PRRG4: variants seen among roughly 807,000 people sequenced by gnomAD.
PRRG4 encodes the protein transmembrane gamma-carboxyglutamic acid protein 4.
Under a neutral mutation model 20.0 loss-of-function variants are expected in PRRG4, and 12 were observed. The observed-to-expected ratio is 0.60, with a 90% CI of 0.38 to 0.97. The LOEUF (loss-of-function observed/expected upper bound fraction) is 0.97, where lower values mean the gene tolerates loss of function less well. PRRG4 is among the 50% of genes least tolerant of loss of function. The pLI is 0.00. For synonymous variants in PRRG4, 94 were observed against 96.4 expected, an observed-to-expected ratio of 0.98 and a Z score of 0.15; for missense variants, 199 against 265.1, an observed-to-expected ratio of 0.75 and a Z score of 1.73.
chr11:32,850,524 TC>T (rs1851173165), intron 5 of PRRG4, among the ~76,000 whole-genome samples: 1 of 152,202 alleles, frequency 6.6e-6, no homozygotes, highest in Non-Finnish European at 1.5e-5. Flanking sequence ...CTCACTTTGT[TC>T]CCCTCAGCAA....
chr11:32,831,723 G>GT (rs1850973086), intron 2 of PRRG4, among the ~76,000 whole-genome samples: 1 of 152,060 alleles, frequency 6.6e-6, no homozygotes, highest in Admixed American at 6.5e-5. Flanking sequence ...ACATGACACG[G>GT]GTATAAGAGA....
At chr11:32,832,072 A>G (rs1193950646) in intron 2 of PRRG4, among the ~76,000 whole-genome samples, 1 of 152,214 alleles carries the variant, frequency 6.6e-6, no homozygotes, top group Non-Finnish European at 1.5e-5. Context: ...AGGAATTTAG[A>G]GATCATACTT....
intron 5 of PRRG4, among the ~76,000 whole-genome samples, chr11:32,851,264 A>G (rs962233804): frequency 1.3e-5 from 2 of 151,934 alleles, no homozygotes; most frequent in African/African-American, 2.4e-5. Context: ...TTAATGACTG[A>G]TGTAATTATT....
At chr11:32,839,214 A>G (rs1394522509) in intron 4 of PRRG4, among the ~76,000 whole-genome samples, 1 of 152,192 alleles carries the variant, frequency 6.6e-6, no homozygotes, top group Non-Finnish European at 1.5e-5. Flanking sequence ...ATAAAAGCAG[A>G]TTCTATTCAT....
At chr11:32,842,134 CTTCA>C (rs1427152763) in intron 5 of PRRG4, among the ~76,000 whole-genome samples, 1 of 152,084 alleles carries the variant, frequency 6.6e-6, no homozygotes, top group African/African-American at 2.4e-5. Flanking sequence ...TAAAGTTTTT[CTTCA>C]TTGTTTCATA....
At position 32,830,453 on chromosome 11, in the gene PRRG4, C is replaced by CAA. The variant is rs1050027730; in HGVS notation, c.-22-53_-22-52dup. On this transcript the variant is annotated intron_variant, in intron 1 of 5. Coordinates refer to ENST00000257836, the MANE Select transcript of PRRG4 (RefSeq NM_024081.6). ...TTGGTGATTCAGTTCGACAGAAACTCAAAGTGCTGAGCTAGGGGCCTTTTT... is the reference window on the plus strand; with the variant it reads ...TTGGTGATTCAGTTCGACAGAAACTCAAAAAGTGCTGAGCTAGGGGCCTTTTT... 6.3e-6 allele frequency: 8 copies of CAA among 1,269,010 alleles called. No homozygotes were observed. The African/African-American group carries it at 7.8e-5, about 12-fold the overall frequency. 78.6% of individuals were successfully genotyped at this position (1,269,010 alleles called of 1,614,324 possible).
At chr11:32,853,045 C>T (rs1226612720) in intron 5 of PRRG4, among the ~76,000 whole-genome samples, 1 of 151,362 alleles carries the variant, frequency 6.6e-6, no homozygotes, top group African/African-American at 2.4e-5. Flanking sequence ...GCCTCAGCCT[C>T]CCAAAGTGCT....
chr11:32,830,376 G>C, intron 1 of PRRG4, 132 bp from the exon 2 acceptor site: 2 of 895,402 alleles, frequency 2.2e-6, no homozygotes, highest in Non-Finnish European at 3.0e-6. Context: ...GGGTTCCGGC[G>C]ACCGAAACCG....
chr11:32,856,068 T>C lies in PRRG4; in HGVS notation c.*2541T>C, dbSNP rs1370066174. 5.3e-5 allele frequency: 8 copies of C among 152,234 alleles called. No homozygotes were observed. The highest frequency in any genetic ancestry group is 2.0e-4 in the Admixed American group (3 of 15,286). The allele number at this position is 152,234 out of a possible 1,614,324, so 9.4% of individuals were successfully genotyped here. ...CATTTCTCATATATACATACATTTA[T>C]ATATGTACATGTTACATATATTTAG... On this transcript the variant is annotated 3_prime_UTR_variant, in exon 6 of 6. Coordinates refer to ENST00000257836, the MANE Select transcript of PRRG4 (RefSeq NM_024081.6).
intron 2 of PRRG4, among the ~76,000 whole-genome samples, chr11:32,834,567 G>T (rs1202558974): frequency 2.6e-5 from 4 of 151,820 alleles, no homozygotes; most frequent in Non-Finnish European, 1.5e-5. Flanking sequence ...AATATAATGT[G>T]AACTACATAC....
rs866319509 is a variant in PRRG4, at chr11:32,837,532, G to T, written c.267+711G>T. On this transcript the variant is annotated intron_variant, in intron 3 of 5. Coordinates refer to ENST00000257836, the MANE Select transcript of PRRG4 (RefSeq NM_024081.6). ...AGATGATGATGATGATGATGATGAT[G>T]ATGATGATGATTATTATTATTATTA... is the stretch of plus-strand genomic sequence containing the variant. Among the ~76,000 whole-genome samples the T allele has an allele frequency of 5.0e-3, 560 of 111,436 alleles. 7 individuals are homozygous for T. Among genetic ancestry groups the T allele is most frequent in the African/African-American group, 0.021 (539 of 25,880 alleles). 73.1% of individuals were successfully genotyped at this position (111,436 alleles called of 152,430 possible).
chr11:32,833,981 A>G (rs768661586), intron 2 of PRRG4, among the ~76,000 whole-genome samples: 1 of 152,174 alleles, frequency 6.6e-6, no homozygotes, highest in Non-Finnish European at 1.5e-5. Flanking sequence ...AGTTCTGTTC[A>G]GAAGAAACAG....
At chr11:32,847,498 A>C (rs1310431003) in intron 5 of PRRG4, among the ~76,000 whole-genome samples, 1 of 152,220 alleles carries the variant, frequency 6.6e-6, no homozygotes, top group Non-Finnish European at 1.5e-5. Flanking sequence ...TAAAATAACA[A>C]GTATTGGCGA....
Position 32,830,483 on chromosome 11 carries a change from T to A in PRRG4, c.-22-25T>A, listed in dbSNP as rs78062769. ...TGCTGAGCTAGGGGCCTTTTTTTTT[T>A]AATATTTTTTTTTGTTTGTTTTAGT... On this transcript the variant is annotated intron_variant, in intron 1 of 5. Transcript: ENST00000257836. 1,140 of 1,438,350 alleles carry A rather than the reference T, an allele frequency of 7.9e-4. 5 individuals carry two copies. The East Asian group carries it at 0.013, about 16-fold the overall frequency. 89.1% of individuals were successfully genotyped at this position (1,438,350 alleles called of 1,614,324 possible). A position where few individuals can be genotyped will look rare whatever the true frequency, so the allele number is the denominator to read the frequency against.
At position 32,858,073 on chromosome 11, in the gene PRRG4, C is replaced by T. The variant is rs1268506295; in HGVS notation, c.*4546C>T. The T allele has an allele frequency of 6.6e-6, 1 of 151,948 alleles. No homozygotes were observed. The highest frequency in any genetic ancestry group is 1.5e-5 in the Non-Finnish European group (1 of 67,958). 9.4% of individuals were successfully genotyped at this position (151,948 alleles called of 1,614,324 possible). On this transcript the variant is annotated 3_prime_UTR_variant, in exon 6 of 6. Transcript: ENST00000257836. ...CTATGTTTTTATTTTAAGAGGTTTC[C>T]TGTTATATACACTTTTTACACATGC...
rs1565111294 is a variant in PRRG4, at chr11:32,829,968, C to T, written c.-228C>T. 1 of 985,570 alleles carries T rather than the reference C, an allele frequency of 1.0e-6. No individual in the cohort carries two copies. The highest frequency in any genetic ancestry group is 1.2e-6 in the Non-Finnish European group (1 of 830,056). The allele number at this position is 985,570 out of a possible 1,614,324, so 61.1% of individuals were successfully genotyped here. A position where few individuals can be genotyped will look rare whatever the true frequency, so the allele number is the denominator to read the frequency against. On this transcript the variant is annotated 5_prime_UTR_variant, in exon 1 of 6. Coordinates refer to ENST00000257836, the MANE Select transcript of PRRG4 (RefSeq NM_024081.6). ...CCCGGACCGAGGCAGGACCTCACCCCGCGCGTGTTCCCCGGGCGCCCCTCT... is the reference window on the plus strand; with the variant it reads ...CCCGGACCGAGGCAGGACCTCACCCTGCGCGTGTTCCCCGGGCGCCCCTCT...
chr11:32,836,318 A>G (rs1223575318), intron 2 of PRRG4, among the ~76,000 whole-genome samples: 1 of 152,126 alleles, frequency 6.6e-6, no homozygotes, highest in Non-Finnish European at 1.5e-5. Context: ...TTCTCAGTCA[A>G]GATAATAGGG....
Position 32,846,301 on chromosome 11 carries a change from G to A in PRRG4, c.449+6062G>A, listed in dbSNP as rs547920948. On this transcript the variant is annotated intron_variant, in intron 5 of 5. Transcript: ENST00000257836. ...CTAGGATTACAGGCATGAGCCATGG[G>A]GCCAAGCCCTTGACCAGAGATTTAA... Among the ~76,000 whole-genome samples, 6 of 152,294 alleles carry A rather than the reference G, an allele frequency of 3.9e-5. No homozygotes were observed. The East Asian group carries it at 1.2e-3, about 29-fold the overall frequency.
intron 3 of PRRG4, among the ~76,000 whole-genome samples, chr11:32,837,684 A>G (rs1209466710): frequency 6.6e-6 from 1 of 151,712 alleles, no homozygotes; most frequent in Middle Eastern, 3.2e-3. Context: ...CAGCCTCCCA[A>G]GCAGCTGGGA....
Sources: gnomAD v4.1 joint callset for allele counts (sites outside exome capture counted in the v4.1 genomes callset) on GRCh38, gnomAD v4.1.1 for gene constraint, MANE v1.5 for transcripts, NCBI Gene and HGNC (gene_info 2026-07-23, HGNC 2026-07-21) for gene names.